IMMP2L: variants seen among roughly 807,000 people sequenced by gnomAD.
IMMP2L encodes inner mitochondrial membrane peptidase subunit 2.
A neutral mutation model predicts 19.3 loss-of-function variants in IMMP2L; 18 were observed. The observed-to-expected ratio is 0.93, with a 90% CI of 0.64 to 1.38. The LOEUF (loss-of-function observed/expected upper bound fraction) is 1.38, where lower values mean the gene tolerates loss of function less well. Ranked by LOEUF, IMMP2L falls within the 40% of genes most tolerant of loss-of-function variation. The pLI is 0.00. For synonymous variants in IMMP2L, 76 were observed against 73.0 expected (o/e 1.04, Z -0.21); for missense variants, 233 against 218.2 (o/e 1.07, Z -0.43).
intron 3 of IMMP2L, among the ~76,000 whole-genome samples, chr7:111,391,554 T>C (rs1373366594): frequency 6.6e-6 from 1 of 152,164 alleles, no homozygotes; most frequent in Admixed American, 6.6e-5. Context: ...TGTTAGACTG[T>C]GGACAGTTAC....
intron 4 of IMMP2L, among the ~76,000 whole-genome samples, chr7:110,947,713 T>C (rs1237183954): frequency 6.6e-6 from 1 of 152,214 alleles, no homozygotes; most frequent in African/African-American, 2.4e-5. Context: ...CGTTTACTTT[T>C]TGATGTATGT....
chr7:110,763,827 T>A lies in IMMP2L; in HGVS notation c.409-100106A>T, dbSNP rs180714638. The stretch of plus-strand genomic sequence containing the variant: ...AATATTTTATATATGGAGCTTAGAT[T>A]GTCTGTAGGTATATGGGTGCTTCTA... On this transcript the variant is annotated intron_variant, in intron 5 of 5. Coordinates refer to ENST00000405709, the MANE Select transcript of IMMP2L (RefSeq NM_032549.4). 7.2e-4 allele frequency among the ~76,000 whole-genome samples: 110 copies of A among 152,246 alleles called. 1 individual carries two copies. The highest frequency in any genetic ancestry group is 7.7e-4 in the East Asian group (4 of 5,172).
chr7:110,665,429 G>A lies in IMMP2L; in HGVS notation c.409-1708C>T, dbSNP rs112870579. On this transcript the variant is annotated intron_variant, in intron 5 of 5. Coordinates refer to ENST00000405709, the MANE Select transcript of IMMP2L (RefSeq NM_032549.4). The stretch of plus-strand genomic sequence containing the variant: ...AACATGATACCATTATTATACACAA[G>A]ATATTTAATGTAGATACAATATTAC... Among the ~76,000 whole-genome samples, 162 of 152,216 alleles carry A rather than the reference G, an allele frequency of 1.1e-3. 2 individuals are homozygous for A. Among genetic ancestry groups the A allele is most frequent in the African/African-American group, 3.7e-3 (154 of 41,540 alleles).
chr7:110,904,604 G>T (rs542794989), intron 4 of IMMP2L, among the ~76,000 whole-genome samples: 1 of 152,274 alleles, frequency 6.6e-6, no homozygotes, highest in African/African-American at 2.4e-5. Flanking sequence ...TCTATTCCTA[G>T]CTATACGCTT....
At chr7:111,495,974 T>TA (rs1843558376) in intron 2 of IMMP2L, among the ~76,000 whole-genome samples, 1 of 152,116 alleles carries the variant, frequency 6.6e-6, no homozygotes, top group East Asian at 1.9e-4. Context: ...CCCTCAGACT[T>TA]CTTTTGAAGA....
intron 4 of IMMP2L, among the ~76,000 whole-genome samples, chr7:110,901,759 G>T (rs992406795): frequency 2.6e-5 from 4 of 152,020 alleles, no homozygotes; most frequent in African/African-American, 9.7e-5. Context: ...ATTTTGTCTT[G>T]CATATTTAGT....
chr7:111,075,566 G>C (rs756485773), intron 3 of IMMP2L, among the ~76,000 whole-genome samples: 5 of 152,116 alleles, frequency 3.3e-5, no homozygotes, highest in Non-Finnish European at 5.9e-5. Context: ...CTTTCTTCTT[G>C]AGAATGTTTT....
rs145518022 is a variant in IMMP2L, at chr7:110,985,927, A to G, written c.240-22362T>C. The stretch of plus-strand genomic sequence containing the variant: ...CATTTACCAACGTAATGATAATTTA[A>G]TAAGAATACAGCTTACAAACTTGAG... On this transcript the variant is annotated intron_variant, in intron 3 of 5. Transcript: ENST00000405709. Among the ~76,000 whole-genome samples the G allele has an allele frequency of 4.0e-3, 605 of 152,344 alleles. 4 individuals carry two copies. The highest frequency in any genetic ancestry group is 0.014 in the African/African-American group (584 of 41,584).
At chr7:110,716,115 A>G (rs755254786) in intron 5 of IMMP2L, among the ~76,000 whole-genome samples, 14 of 151,492 alleles carry the variant, frequency 9.2e-5, no homozygotes, top group Non-Finnish European at 1.8e-4. Flanking sequence ...TGCATGACAG[A>G]TCTTTTCCCA....
chr7:110,864,904 A>G (rs1268257656), intron 5 of IMMP2L, among the ~76,000 whole-genome samples: 3 of 152,010 alleles, frequency 2.0e-5, no homozygotes, highest in East Asian at 1.9e-4. Flanking sequence ...CAGTTTAACA[A>G]TCCCATGTGC....
chr7:111,105,029 G>A (rs1798388250), intron 3 of IMMP2L, among the ~76,000 whole-genome samples: 1 of 151,808 alleles, frequency 6.6e-6, no homozygotes, highest in South Asian at 2.1e-4. Context: ...GAGCAGAGAG[G>A]CATGACCATA....
At chr7:110,922,107 A>T (rs1031411591) in intron 4 of IMMP2L, among the ~76,000 whole-genome samples, 2 of 152,196 alleles carry the variant, frequency 1.3e-5, no homozygotes, top group Non-Finnish European at 2.9e-5. Context: ...CTCATATGAC[A>T]GAGTGCCAAG....
At chr7:111,143,371 C>T (rs1803143806) in intron 3 of IMMP2L, among the ~76,000 whole-genome samples, 1 of 152,122 alleles carries the variant, frequency 6.6e-6, no homozygotes, top group African/African-American at 2.4e-5. Flanking sequence ...TGACACAAGG[C>T]TATGCAGCAT....
At chr7:111,043,040 T>C (rs1368708649) in intron 3 of IMMP2L, among the ~76,000 whole-genome samples, 1 of 152,190 alleles carries the variant, frequency 6.6e-6, no homozygotes, top group African/African-American at 2.4e-5. Context: ...CTGATACTGC[T>C]GACTCAACAT....
intron 1 of IMMP2L, among the ~76,000 whole-genome samples, chr7:111,527,149 C>T (rs1421996397): frequency 6.6e-6 from 1 of 152,004 alleles, no homozygotes; most frequent in Non-Finnish European, 1.5e-5. Flanking sequence ...TGGCCTGTTT[C>T]CTCATGTGTG....
At chr7:111,427,633 C>G (rs527890371) in intron 3 of IMMP2L, among the ~76,000 whole-genome samples, 1 of 151,888 alleles carries the variant, frequency 6.6e-6, no homozygotes, top group South Asian at 2.1e-4. Context: ...AAGACTGTTT[C>G]TATTCAGAGT....
intron 3 of IMMP2L, among the ~76,000 whole-genome samples, chr7:110,997,581 T>C (rs559456233): frequency 1.3e-5 from 2 of 152,262 alleles, no homozygotes; most frequent in African/African-American, 4.8e-5. Context: ...TGATATCTCA[T>C]TGTTTTTAAT....
chr7:110,882,239 CTT>C (rs1809715006), intron 5 of IMMP2L, among the ~76,000 whole-genome samples: 1 of 151,940 alleles, frequency 6.6e-6, no homozygotes, highest in East Asian at 1.9e-4. Flanking sequence ...TCTCTGACTA[CTT>C]TAAACATTTC....
chr7:111,290,065 G>T (rs538412734), intron 3 of IMMP2L, among the ~76,000 whole-genome samples: 26 of 152,182 alleles, frequency 1.7e-4, no homozygotes, highest in African/African-American at 5.8e-4. Flanking sequence ...TTATTATCTG[G>T]TAGTGTCTTC....
Sources: gnomAD v4.1 joint callset for allele counts (sites outside exome capture counted in the v4.1 genomes callset) on GRCh38, gnomAD v4.1.1 for gene constraint, MANE v1.5 for transcripts, NCBI Gene and HGNC (gene_info 2026-07-23, HGNC 2026-07-21) for gene names.